The following USP5 variants were observed in gnomAD, a reference collection of about 807,000 sequenced individuals.
The protein encoded by USP5 is ubiquitin carboxyl-terminal hydrolase 5.
USP5 carries 24 observed loss-of-function variants against 102.5 expected under a neutral mutation model. The observed-to-expected ratio is 0.23, with a 90% confidence interval of 0.17 to 0.33. The LOEUF is 0.33. USP5 is among the 10% of genes least tolerant of loss of function. USP5 has a pLI of 1.00. For missense variants in USP5, 753 were observed against 1,122.1 expected (o/e 0.67, Z 4.70); for synonymous variants, 460 against 434.8 (o/e 1.06, Z -0.72).
In USP5 at chr12:6,856,027, C is replaced by T. The variant is rs782169796; in HGVS notation, c.315C>T (p.Gly105=). 1.4e-4 allele frequency: 231 copies of T among 1,614,122 alleles called. No homozygotes were observed. Among genetic ancestry groups the T allele is most frequent in the South Asian group, 7.6e-4 (69 of 91,062 alleles). The change falls in exon 4 of 20, where the codon GGC becomes GGT. Residue 105 remains glycine, a synonymous_variant. Transcript: ENST00000229268. This position sits in a 1 kb window ranked among gnomAD's most constrained non-coding sequence, Gnocchi z 5.6. ...KPTRLAIGVE[G]GFDLSEEKFE... Reference sequence around the variant, plus strand: ...TCCCTATCCTTCCAGGTGTTGAAGGCGGATTTGACCTTAGCGAGGAGAAGT... The same window carrying T: ...TCCCTATCCTTCCAGGTGTTGAAGGTGGATTTGACCTTAGCGAGGAGAAGT...
At chr12:6,854,879 G>C (rs1944062007) in intron 1 of USP5, among the ~76,000 whole-genome samples, 1 of 152,148 alleles carries the variant, frequency 6.6e-6, no homozygotes, top group South Asian at 2.1e-4. Flanking sequence ...CTGAATCATG[G>C]AGATGAGATA....
In USP5 at chr12:6,860,165, A is replaced by G; in HGVS notation, c.1145A>G (p.His382Arg). The G allele has an allele frequency of 6.2e-7, 1 of 1,606,012 alleles. No individual in the cohort carries two copies. ...DFSTQVAKLG[H>R]GLLSGEYSKP... The stretch of plus-strand genomic sequence containing the variant: ...TATTAATGCAGGGCCAAGCTGGGCC[A>G]TGGCCTTCTCTCCGGGGAGTATTCC... Residue 382 changes from histidine (H) to arginine (R), a missense_variant, in exon 10 of 20, where the codon CAT becomes CGT. By Grantham distance (29) the His-to-Arg change is conservative. Around this residue, in one of 3 missense-constraint regions of USP5, gnomAD observed 527 missense variants for 816.5 expected, o/e 0.65. Coordinates refer to ENST00000229268, the MANE Select transcript of USP5 (RefSeq NM_001098536.2). This position sits in a 1 kb window ranked among gnomAD's most constrained non-coding sequence, Gnocchi z 5.5.
Position 6,857,613 on chromosome 12 carries a change from C to G in USP5, c.770-16C>G. 6.2e-7 allele frequency: 1 copy of G among 1,610,798 alleles called. No individual in the cohort carries two copies. Among genetic ancestry groups the G allele is most frequent in the East Asian group, 2.2e-5 (1 of 44,774 alleles). ...TGAGCCACTTCCCCTGATTCTCTTC[C>G]TGCCTCCTGCTCTAGACGTGTACTC... On this transcript the variant is annotated splice_polypyrimidine_tract_variant and intron_variant, in intron 6 of 19. Coordinates refer to ENST00000229268, the MANE Select transcript of USP5 (RefSeq NM_001098536.2).
Position 6,858,395 on chromosome 12 carries a change from C to G in USP5, c.865-29C>G. 1 of 1,585,966 alleles carries G rather than the reference C, an allele frequency of 6.3e-7. No homozygotes were observed. The highest frequency in any genetic ancestry group is 8.6e-7 in the Non-Finnish European group (1 of 1,156,394). On this transcript the variant is annotated intron_variant, in intron 7 of 19. Transcript: ENST00000229268. The surrounding 1 kb of genome is among the most constrained non-coding windows in gnomAD (Gnocchi z 4.2). The stretch of plus-strand genomic sequence containing the variant: ...AAAAACTACAGGGTTGAGTTTCTCA[C>G]TCAGTCTGAAGTGCCCCTTCTCACA...
At chr12:6,860,000 G>A (rs1270549459) in intron 9 of USP5, 151 bp from the exon 10 acceptor site, 1 of 830,932 alleles carries the variant, frequency 1.2e-6, no homozygotes, top group Non-Finnish European at 1.9e-6. Context: ...TTCTGGACGT[G>A]TTGTCTGTCT....
Position 6,855,563 on chromosome 12 carries a change from T to C in USP5, c.237+37T>C. ...GCTGGGGCAAGGCCTGGGTACATTG[T>C]CTGTTCCATTCTGACCTCCTATTGG... is the stretch of plus-strand genomic sequence containing the variant. On this transcript the variant is annotated intron_variant, in intron 2 of 19. Transcript: ENST00000229268. This position sits in a 1 kb window ranked among gnomAD's most constrained non-coding sequence, Gnocchi z 4.6. 6.2e-7 allele frequency: 1 copy of C among 1,608,812 alleles called. No individual in the cohort carries two copies. Among genetic ancestry groups the C allele is most frequent in the Non-Finnish European group, 8.5e-7 (1 of 1,177,992 alleles).
chr12:6,859,270 C>T (rs1222934338), intron 8 of USP5, among the ~76,000 whole-genome samples, 200 bp from the exon 9 acceptor site: 4 of 152,166 alleles, frequency 2.6e-5, no homozygotes, highest in East Asian at 3.9e-4. Context: ...CCTCTGCCGC[C>T]GAGCGTGCTT....
chr12:6,863,088 T>C lies in USP5; in HGVS notation c.1763-98T>C. ...TGCCGTGCTTTTAGCAGCTCCTCTT[T>C]ACAGAGCAGTTCTGACATAGGGGGC... On this transcript the variant is annotated intron_variant, in intron 14 of 19. Coordinates refer to ENST00000229268, the MANE Select transcript of USP5 (RefSeq NM_001098536.2). The surrounding 1 kb of genome is among the most constrained non-coding windows in gnomAD (Gnocchi z 4.7). 1 of 1,255,472 alleles carries C rather than the reference T, an allele frequency of 8.0e-7. No individual in the cohort carries two copies. The highest frequency in any genetic ancestry group is 1.1e-6 in the Non-Finnish European group (1 of 923,364). The allele number at this position is 1,255,472 out of a possible 1,614,324, so 77.8% of individuals were successfully genotyped here.
Position 6,861,383 on chromosome 12 carries a change from G to C in USP5, c.1499-60G>C. 1.3e-6 allele frequency: 2 copies of C among 1,511,566 alleles called. No individual in the cohort carries two copies. Among genetic ancestry groups the C allele is most frequent in the Admixed American group, 2.1e-5 (1 of 48,356 alleles). The allele number at this position is 1,511,566 out of a possible 1,614,324, so 93.6% of individuals were successfully genotyped here. On this transcript the variant is annotated intron_variant, in intron 12 of 19. Coordinates refer to ENST00000229268, the MANE Select transcript of USP5 (RefSeq NM_001098536.2). The surrounding 1 kb of genome is among the most constrained non-coding windows in gnomAD (Gnocchi z 4.9). ...TACGGACACAGAGCCAGTAGGGAGA[G>C]GCTAAGGAGGCAAAGAAGCAGCACC...
rs782576242 is a variant in USP5, at chr12:6,861,506, AACTGGTTCGGG to A, written c.1563_1573del (p.Glu521AspfsTer16). The A allele has an allele frequency of 6.2e-7, 1 of 1,601,416 alleles. No individual in the cohort carries two copies. Among genetic ancestry groups the A allele is most frequent in the East Asian group, 2.2e-5 (1 of 44,492 alleles). On this transcript the variant is annotated frameshift_variant, in exon 13 of 20. Coordinates refer to ENST00000229268, the MANE Select transcript of USP5 (RefSeq NM_001098536.2). LOFTEE classifies it high-confidence loss of function. The surrounding 1 kb of genome is among the most constrained non-coding windows in gnomAD (Gnocchi z 4.9). ...GAAGAGGAGAAGATGGCACTGCCAG[AACTGGTTCGGG>A]CCCAGGTGCCCTTCAGCTCTTGCCT...
rs964795016 is a variant in USP5, at chr12:6,858,753, C to T, written c.1058+136C>T. On this transcript the variant is annotated intron_variant, in intron 8 of 19. Coordinates refer to ENST00000229268, the MANE Select transcript of USP5 (RefSeq NM_001098536.2). This position sits in a 1 kb window ranked among gnomAD's most constrained non-coding sequence, Gnocchi z 4.2. ...GTTCCTATCGGCTGGGTGTGTTGGC[C>T]CACACCCGTAATCCCAGTACTTCGG... The T allele has an allele frequency of 2.5e-6, 2 of 805,806 alleles. No homozygotes were observed. Among genetic ancestry groups the T allele is most frequent in the Admixed American group, 5.3e-5 (2 of 37,888 alleles). The allele number at this position is 805,806 out of a possible 1,614,324, so 49.9% of individuals were successfully genotyped here.
rs782568090 is a variant in USP5, at chr12:6,857,209, G to A, written c.769+318G>A. ...CTCAGGAGGCTGAGGCAGGAGGATT[G>A]TTTGAGCACCCGGGAGGTTGAGGCT... On this transcript the variant is annotated intron_variant, in intron 6 of 19. Coordinates refer to ENST00000229268, the MANE Select transcript of USP5 (RefSeq NM_001098536.2). 2.8e-3 allele frequency among the ~76,000 whole-genome samples: 429 copies of A among 152,272 alleles called. 3 individuals are homozygous for A. Among genetic ancestry groups the A allele is most frequent in the African/African-American group, 9.9e-3 (410 of 41,564 alleles).
chr12:6,864,077 G>C lies in USP5; in HGVS notation c.2126G>C (p.Gly709Ala). The change falls in exon 17 of 20, where the codon GGC (glycine) becomes GCC (alanine). Residue 709 changes from glycine (G) to alanine (A), a missense_variant. Gly to Ala is a moderately conservative substitution (Grantham distance 60, BLOSUM62 0). Around this residue, in one of 3 missense-constraint regions of USP5, gnomAD observed 193 missense variants for 230.2 expected, o/e 0.84. Transcript: ENST00000229268. This position sits in a 1 kb window ranked among gnomAD's most constrained non-coding sequence, Gnocchi z 4.8. ...PDFANPLILP[G>A]SSGPGSTSAA... The stretch of plus-strand genomic sequence containing the variant: ...TTTGCAAACCCCCTCATCCTGCCTG[G>C]CTCTAGTGGGCCGGGCTCCACAAGC... 8 of 1,612,254 alleles carry C rather than the reference G, an allele frequency of 5.0e-6. No individual in the cohort carries two copies. The highest frequency in any genetic ancestry group is 6.8e-6 in the Non-Finnish European group (8 of 1,179,002).
chr12:6,864,992 A>C lies in USP5; in HGVS notation c.2398+117A>C, dbSNP rs1488238231. On this transcript the variant is annotated intron_variant, in intron 18 of 19. Coordinates refer to ENST00000229268, the MANE Select transcript of USP5 (RefSeq NM_001098536.2). The surrounding 1 kb of genome is among the most constrained non-coding windows in gnomAD (Gnocchi z 4.8). ...GAGTCAGGGGCTTCTTTCCACCTCAACGTGGCATCTGAGGGTGGGGTTCTC... is the reference window on the plus strand; with the variant it reads ...GAGTCAGGGGCTTCTTTCCACCTCACCGTGGCATCTGAGGGTGGGGTTCTC... 1 of 1,430,708 alleles carries C rather than the reference A, an allele frequency of 7.0e-7. No homozygotes were observed. The highest frequency in any genetic ancestry group is 9.4e-7 in the Non-Finnish European group (1 of 1,062,992). The allele number at this position is 1,430,708 out of a possible 1,614,324, so 88.6% of individuals were successfully genotyped here.
chr12:6,855,920 T>C lies in USP5; in HGVS notation c.305-97T>C. The C allele has an allele frequency of 6.2e-7, 1 of 1,604,756 alleles. No individual in the cohort carries two copies. The highest frequency in any genetic ancestry group is 8.5e-7 in the Non-Finnish European group (1 of 1,172,624). On this transcript the variant is annotated intron_variant, in intron 3 of 19. Coordinates refer to ENST00000229268, the MANE Select transcript of USP5 (RefSeq NM_001098536.2). This position sits in a 1 kb window ranked among gnomAD's most constrained non-coding sequence, Gnocchi z 4.6. ...AAAGAGTGGGCCTGATTGATGGCCC[T>C]AGAACTCTGGATGGGGCAAGTGAGG...
In USP5 at chr12:6,863,005, G is replaced by T; in HGVS notation, c.1763-181G>T. The T allele has an allele frequency of 1.7e-6, 1 of 590,002 alleles. No homozygotes were observed. The highest frequency in any genetic ancestry group is 2.9e-6 in the Non-Finnish European group (1 of 348,280). 36.5% of individuals were successfully genotyped at this position (590,002 alleles called of 1,614,324 possible). ...ATGGTAGATCTAGGACCAGCATCCT[G>T]GCCTCCCAACTCCCAGGCTTAGTAT... is the stretch of plus-strand genomic sequence containing the variant. On this transcript the variant is annotated intron_variant, in intron 14 of 19. Transcript: ENST00000229268. This position sits in a 1 kb window ranked among gnomAD's most constrained non-coding sequence, Gnocchi z 4.7.
Position 6,855,549 on chromosome 12 carries a change from G to C in USP5, c.237+23G>C. ...CCGGTAGGAGCAGGGCTGGGGCAAG[G>C]CCTGGGTACATTGTCTGTTCCATTC... On this transcript the variant is annotated intron_variant, in intron 2 of 19. Transcript: ENST00000229268. This position sits in a 1 kb window ranked among gnomAD's most constrained non-coding sequence, Gnocchi z 4.6. 2 of 1,613,306 alleles carry C rather than the reference G, an allele frequency of 1.2e-6. No homozygotes were observed. The highest frequency in any genetic ancestry group is 1.7e-6 in the Non-Finnish European group (2 of 1,179,828).
Position 6,860,665 on chromosome 12 carries a change from C to T in USP5, c.1344+174C>T, listed in dbSNP as rs1555129327. 6.6e-6 allele frequency among the ~76,000 whole-genome samples: 1 copy of T among 152,184 alleles called. No individual in the cohort carries two copies. Among genetic ancestry groups the T allele is most frequent in the Non-Finnish European group, 1.5e-5 (1 of 68,040 alleles). On this transcript the variant is annotated intron_variant, in intron 11 of 19. Coordinates refer to ENST00000229268, the MANE Select transcript of USP5 (RefSeq NM_001098536.2). This position sits in a 1 kb window ranked among gnomAD's most constrained non-coding sequence, Gnocchi z 5.5. ...GGACAGTGAAGGTGATGATCCCTAC[C>T]CTTGATGGGCTTGAAGCCCAATTCA...
chr12:6,855,063 G>T lies in USP5; in HGVS notation c.112-338G>T, dbSNP rs187242191. Among the ~76,000 whole-genome samples, 63 of 152,274 alleles carry T rather than the reference G, an allele frequency of 4.1e-4. No homozygotes were observed. The highest frequency in any genetic ancestry group is 7.3e-4 in the Non-Finnish European group (50 of 68,036). ...TAGCCCCAGGATAGAGGTGAAGGAA[G>T]TCCTCTGTGATTGATTAAAGAGCTC... On this transcript the variant is annotated intron_variant, in intron 1 of 19. Coordinates refer to ENST00000229268, the MANE Select transcript of USP5 (RefSeq NM_001098536.2). This position sits in a 1 kb window ranked among gnomAD's most constrained non-coding sequence, Gnocchi z 4.6.
Sources: gnomAD v4.1 joint callset for allele counts (sites outside exome capture counted in the v4.1 genomes callset) on GRCh38, gnomAD v4.1.1 for gene constraint, gnomAD v4.1.1 regional missense constraint, Gnocchi (gnomAD v3.1) non-coding constraint, MANE v1.5 for transcripts, NCBI Gene and HGNC (gene_info 2026-07-23, HGNC 2026-07-21) for gene names.